The following FNDC7 variants were observed in gnomAD, a reference collection of about 807,000 sequenced individuals.
FNDC7 encodes fibronectin type III domain containing 7.
Under a neutral mutation model 74.2 loss-of-function variants are expected in FNDC7, and 66 were observed. That is an observed-to-expected ratio of 0.89 (90% CI 0.73 to 1.09). The LOEUF (loss-of-function observed/expected upper bound fraction) is 1.09. Among genes scored for constraint, FNDC7 ranks in the 50% least tolerant of loss-of-function variants. The pLI is 0.00. For missense variants in FNDC7, 829 were observed against 893.4 expected, an observed-to-expected ratio of 0.93 and a Z score of 0.92; for synonymous variants, 307 against 330.2, an observed-to-expected ratio of 0.93 and a Z score of 0.76.
chr1:108,738,665 C>G (rs961627549), intron 11 of FNDC7, among the ~76,000 whole-genome samples: 1 of 151,872 alleles, frequency 6.6e-6, no homozygotes, highest in African/African-American at 2.4e-5. Context: ...ACCCACACCC[C>G]CTTCCACTGG....
chr1:108,733,292 G>T lies in FNDC7; in HGVS notation c.1900G>T (p.Val634Leu), dbSNP rs1661434011. The T allele has an allele frequency of 6.2e-7, 1 of 1,610,686 alleles. No homozygotes were observed. Among genetic ancestry groups the T allele is most frequent in the Non-Finnish European group, 8.5e-7 (1 of 1,177,056 alleles). Residue 634 changes from valine (V) to leucine (L), a missense_variant, in exon 10 of 13, where the codon GTG becomes TTG. By Grantham distance (32) the Val-to-Leu change is conservative. Transcript: ENST00000370017. ...YFSGACCPLG[V>L]KLYRLGPNGI... ...CCTAGGTGCCTGCTGCCCTTTGGGG[G>T]TGAAATTATATAGGCTGGGCCCTAA... is the stretch of plus-strand genomic sequence containing the variant.
rs965725756 is a variant in FNDC7 at position 108,735,466 on chromosome 1, T to C, written c.2140+1934T>C. Among the ~76,000 whole-genome samples, 12 of 152,210 alleles carry C rather than the reference T, an allele frequency of 7.9e-5. No individual in the cohort carries two copies. The East Asian group carries it at 2.3e-3, about 29-fold the overall frequency. On this transcript the variant is annotated intron_variant, in intron 10 of 12. Transcript: ENST00000370017. ...ATGGTGTTCACAGTCCCTTATAATC[T>C]GTCCCCTGTCTACTTATACCTGCAC...
chr1:108,716,894 G>C (rs1199837431), intron 2 of FNDC7, among the ~76,000 whole-genome samples: 1 of 152,016 alleles, frequency 6.6e-6, no homozygotes, highest in Non-Finnish European at 1.5e-5. Context: ...AGCTATTTTT[G>C]TTTGACCTTT....
intron 11 of FNDC7, among the ~76,000 whole-genome samples, chr1:108,739,743 A>T (rs1370129311): frequency 6.6e-6 from 1 of 152,176 alleles, no homozygotes; most frequent in African/African-American, 2.4e-5. Flanking sequence ...ATACACATGA[A>T]GTTTGAGGAG....
At chr1:108,717,633 C>T in intron 2 of FNDC7, 144 bp from the exon 3 acceptor site, 2 of 827,318 alleles carry the variant, frequency 2.4e-6, no homozygotes, top group South Asian at 1.8e-5. Context: ...TTCTTTTTCT[C>T]TGTTTTTCCT....
intron 5 of FNDC7, among the ~76,000 whole-genome samples, chr1:108,724,752 TC>T (rs1260635362): frequency 1.4e-5 from 2 of 141,440 alleles, no homozygotes; most frequent in African/African-American, 2.9e-5. Flanking sequence ...AGACCTTGTC[TC>T]CAAAAAAAAA....
intron 11 of FNDC7, among the ~76,000 whole-genome samples, chr1:108,738,937 A>G (rs1194526843): frequency 2.6e-5 from 4 of 152,192 alleles, no homozygotes; most frequent in African/African-American, 7.2e-5. Context: ...AGTAGAGACC[A>G]TACACCCTGG....
Position 108,718,985 on chromosome 1 carries a change from A to G in FNDC7, c.534A>G (p.Ile178Met). ...TSLEAGTLYT[I>M]KAYAWNANRI... ...TAGAAGCCGGAACTCTCTACACCATAAAGGCCTATGCATGGAATGCCAACA... is the reference window on the plus strand; with the variant it reads ...TAGAAGCCGGAACTCTCTACACCATGAAGGCCTATGCATGGAATGCCAACA... Residue 178 changes from isoleucine to methionine, a missense_variant, in exon 4 of 13, where the codon ATA (isoleucine) becomes ATG (methionine). By Grantham distance (10) the Ile-to-Met change is conservative. Transcript: ENST00000370017. 2 of 1,552,080 alleles carry G rather than the reference A, an allele frequency of 1.3e-6. No homozygotes were observed. The highest frequency in any genetic ancestry group is 1.7e-6 in the Non-Finnish European group (2 of 1,147,082).
intron 2 of FNDC7, among the ~76,000 whole-genome samples, chr1:108,716,345 G>A (rs1174748982): frequency 6.7e-6 from 1 of 149,964 alleles, no homozygotes; most frequent in Non-Finnish European, 1.5e-5. Context: ...GTGTGTGTGT[G>A]TGTGTGTGTG....
chr1:108,714,709 A>T lies in FNDC7; in HGVS notation c.82+1180A>T, dbSNP rs1025193147. On this transcript the variant is annotated intron_variant, in intron 2 of 12. Coordinates refer to ENST00000370017, the MANE Select transcript of FNDC7 (RefSeq NM_001144937.3). ...AAGCTCTGCCTCCCAGGTTCAGGCC[A>T]TTCTCCTGCCTCAGCCTCTCCGAGC... Among the ~76,000 whole-genome samples, 8 of 139,854 alleles carry T rather than the reference A, an allele frequency of 5.7e-5. No homozygotes were observed. In the Admixed American group the frequency reaches 6.3e-4, roughly 11 times the overall value. 91.7% of individuals were successfully genotyped at this position (139,854 alleles called of 152,430 possible).
At chr1:108,734,992 A>G (rs1012124244) in intron 10 of FNDC7, among the ~76,000 whole-genome samples, 1 of 152,044 alleles carries the variant, frequency 6.6e-6, no homozygotes, top group Admixed American at 6.5e-5. Flanking sequence ...CCTGACCCCT[A>G]AGTCCGTATT....
At chr1:108,731,791 C>T (rs1366139543) in intron 9 of FNDC7, among the ~76,000 whole-genome samples, 2 of 152,194 alleles carry the variant, frequency 1.3e-5, no homozygotes, top group Non-Finnish European at 2.9e-5. Context: ...AATGTGAGAA[C>T]ATTCAGAACA....
At chr1:108,714,761 A>AC (rs954558426) in intron 2 of FNDC7, among the ~76,000 whole-genome samples, 1 of 150,978 alleles carries the variant, frequency 6.6e-6, no homozygotes, top group Non-Finnish European at 1.5e-5. Flanking sequence ...ACCCGCCACT[A>AC]CCCCCGGCTA....
chr1:108,715,365 A>T (rs1660950128), intron 2 of FNDC7, among the ~76,000 whole-genome samples: 1 of 152,224 alleles, frequency 6.6e-6, no homozygotes, highest in Non-Finnish European at 1.5e-5. Context: ...GGCTAAACAT[A>T]GAAGTAAGAA....
At chr1:108,737,661 C>G (rs1233953511) in intron 11 of FNDC7, 137 bp downstream of exon 11, 1 of 611,200 alleles carries the variant, frequency 1.6e-6, no homozygotes, top group Non-Finnish European at 2.8e-6. Context: ...CTCTCTTATC[C>G]CATGACTTTT....
At chr1:108,728,520 C>T (rs1368089641) in intron 7 of FNDC7, 112 bp from the exon 8 acceptor site, 41 of 1,277,616 alleles carry the variant, frequency 3.2e-5, no homozygotes, top group Middle Eastern at 4.8e-4. Context: ...GCATGCATGA[C>T]GTGGTTGAAA....
chr1:108,713,346 G>T, intron 1 of FNDC7, 165 bp from the exon 2 acceptor site: 1 of 655,292 alleles, frequency 1.5e-6, no homozygotes, highest in East Asian at 2.8e-5. Context: ...AGATTTGGGT[G>T]CTGGGAAATG....
chr1:108,740,232 T>C (rs1300139517), intron 11 of FNDC7, among the ~76,000 whole-genome samples: 1 of 151,782 alleles, frequency 6.6e-6, no homozygotes, highest in Non-Finnish European at 1.5e-5. Flanking sequence ...CCTCTGGATA[T>C]GCTGAGGGGA....
Position 108,727,950 on chromosome 1 carries a change from T to G in FNDC7, c.1254T>G (p.Thr418=). The G allele has an allele frequency of 6.2e-7, 1 of 1,614,154 alleles. No homozygotes were observed. Among genetic ancestry groups the G allele is most frequent in the East Asian group, 2.2e-5 (1 of 44,880 alleles). The change falls in exon 7 of 13, where the codon ACT becomes ACG. Residue 418 remains threonine, a synonymous_variant. Transcript: ENST00000370017. ...ACATGGTTGAGTGCAATGACACTACTCCTGCGTGCACCCTTTCGGCTCTAG... is the reference window on the plus strand; with the variant it reads ...ACATGGTTGAGTGCAATGACACTACGCCTGCGTGCACCCTTTCGGCTCTAG... ...GYNMVECNDT[T]PACTLSALEC... is the part of the protein sequence containing the mutation.
Sources: gnomAD v4.1 joint callset for allele counts (sites outside exome capture counted in the v4.1 genomes callset) on GRCh38, gnomAD v4.1.1 for gene constraint, MANE v1.5 for transcripts, NCBI Gene and HGNC (gene_info 2026-07-23, HGNC 2026-07-21) for gene names.